Variants in ARAP1 observed in about 807,000 individuals in gnomAD.
ARAP1 encodes ArfGAP with RhoGAP domain, ankyrin repeat and PH domain 1, also known as arf-GAP with Rho-GAP domain, ANK repeat and PH domain-containing protein 1.
Under a neutral mutation model 172.2 loss-of-function variants are expected in ARAP1, and 76 were observed. The ratio of observed to expected loss-of-function variants is 0.44; its 90% CI spans 0.37 to 0.53. The LOEUF is 0.53. Ranked by LOEUF, ARAP1 falls within the 20% of genes least tolerant of loss-of-function variation. The pLI is 0.00. For missense variants in ARAP1, 1,686 were observed against 1,977.5 expected (o/e 0.85, Z 2.80); for synonymous variants, 804 against 803.3 (o/e 1.00, Z -0.01).
intron 12 of ARAP1, among the ~76,000 whole-genome samples, 178 bp downstream of exon 12, chr11:72,706,997 C>G (rs982853626): frequency 6.6e-6 from 1 of 152,220 alleles, no homozygotes; most frequent in African/African-American, 2.4e-5. Flanking sequence ...GAAGTTGAAC[C>G]CCTGCCTGGC....
At position 72,704,343 on chromosome 11, in the gene ARAP1, G is replaced by C; in HGVS notation, c.1810-9C>G. On this transcript the variant is annotated splice_polypyrimidine_tract_variant and intron_variant, in intron 13 of 34. Transcript: ENST00000393609. ...CCCAGCTGTAAGAAGAGCTGTGGGG[G>C]TGTGCAGGAGGTCAGACGGGCCAGC... 1 of 1,555,368 alleles carries C rather than the reference G, an allele frequency of 6.4e-7. No individual in the cohort carries two copies. The highest frequency in any genetic ancestry group is 8.7e-7 in the Non-Finnish European group (1 of 1,151,898).
At chr11:72,713,615 A>AGCCG (rs1251819423) in intron 4 of ARAP1, among the ~76,000 whole-genome samples, 2 of 152,150 alleles carry the variant, frequency 1.3e-5, no homozygotes, top group African/African-American at 4.8e-5. Context: ...TGGGAGGCTG[A>AGCCG]GGTGGGCAGA....
At chr11:72,716,486 C>G (rs1857279135) in intron 3 of ARAP1, among the ~76,000 whole-genome samples, 2 of 152,256 alleles carry the variant, frequency 1.3e-5, no homozygotes, top group Admixed American at 1.3e-4. Flanking sequence ...GGCAGCATGG[C>G]CTGTGGAGGA....
At position 72,714,322 on chromosome 11, in the gene ARAP1, C is replaced by A; in HGVS notation, c.510-1G>T. 6.5e-7 allele frequency: 1 copy of A among 1,547,652 alleles called. No homozygotes were observed. The highest frequency in any genetic ancestry group is 1.2e-5 in the South Asian group (1 of 83,036). On this transcript the variant is annotated splice_acceptor_variant, in intron 3 of 34. Transcript: ENST00000393609. LOFTEE classifies it high-confidence loss of function. ...TGACTCCTCCTCCTTAGTGGGCAGG[C>A]TGGGAACACAACAAAAGTTGGGCAT... is the stretch of plus-strand genomic sequence containing the variant.
chr11:72,715,331 C>A (rs897403213), intron 3 of ARAP1, among the ~76,000 whole-genome samples: 1 of 150,616 alleles, frequency 6.6e-6, no homozygotes, highest in Non-Finnish European at 1.5e-5. Context: ...CTGCCAGTGC[C>A]CTGCAGGGGC....
intron 1 of ARAP1, among the ~76,000 whole-genome samples, chr11:72,751,300 C>T (rs1340147975): frequency 7.2e-5 from 11 of 152,172 alleles, no homozygotes; most frequent in Admixed American, 7.2e-4. Flanking sequence ...ACACACCATC[C>T]AAATTCCTGA....
chr11:72,727,120 CT>C lies in ARAP1; in HGVS notation c.8del (p.Glu3GlyfsTer44). On this transcript the variant is annotated frameshift_variant, in exon 3 of 35. Coordinates refer to ENST00000393609, the MANE Select transcript of ARAP1 (RefSeq NM_001040118.3). LOFTEE classifies it high-confidence loss of function. The part of the protein sequence containing the change: MA[E>X]AGDAALSVAE... ...CCACCGATAGCGCAGCATCCCCAGC[CT>C]CTGCCATGGTTCCTGCCAGCGGAGG... 1 of 1,586,106 alleles carries C rather than the reference CT, an allele frequency of 6.3e-7. No individual in the cohort carries two copies. Among genetic ancestry groups the C allele is most frequent in the Non-Finnish European group, 8.6e-7 (1 of 1,162,008 alleles).
rs1261698301 is a variant in ARAP1, at chr11:72,712,318, G to A, written c.900C>T (p.Ser300=). 2 of 1,562,610 alleles carry A rather than the reference G, an allele frequency of 1.3e-6. No individual in the cohort carries two copies. The highest frequency in any genetic ancestry group is 1.2e-5 in the South Asian group (1 of 84,314). Residue 300 remains serine, a synonymous_variant, in exon 7 of 35, where the codon AGC becomes AGT. Coordinates refer to ENST00000393609, the MANE Select transcript of ARAP1 (RefSeq NM_001040118.3). ...TTGTGCTGGGCAAGGACAAGCTCAG[G>A]CTGCTGGTATGCCATCCGCCACTAG... ...GVPNGGWHTS[S]LSLSLPSTIA...
At chr11:72,692,344 G>A (rs909285192) in intron 30 of ARAP1, among the ~76,000 whole-genome samples, 6 of 152,022 alleles carry the variant, frequency 3.9e-5, no homozygotes, top group Non-Finnish European at 7.4e-5. Context: ...GTCCCACCCC[G>A]GCATGTTAGG....
chr11:72,701,929 AC>A, intron 15 of ARAP1, 146 bp from the exon 16 acceptor site: 2 of 1,052,944 alleles, frequency 1.9e-6, no homozygotes, highest in Non-Finnish European at 2.8e-6. Context: ...TCCCCCTCCT[AC>A]CTGCAGGGTC....
At chr11:72,704,358 G>C in intron 13 of ARAP1, 24 bp from the exon 14 acceptor site, 1 of 1,529,940 alleles carries the variant, frequency 6.5e-7, no homozygotes, top group Non-Finnish European at 8.8e-7. Flanking sequence ...CAGGAGGTCA[G>C]ACGGGCCAGC....
chr11:72,699,354 G>T lies in ARAP1; in HGVS notation c.2438+63C>A. 1 of 1,603,496 alleles carries T rather than the reference G, an allele frequency of 6.2e-7. No individual in the cohort carries two copies. The highest frequency in any genetic ancestry group is 1.1e-5 in the South Asian group (1 of 90,276). ...TCCCCTTCTCTGGGTCTATTTCCCT[G>T]TCTCCCCAGTGGGGGATTGTACCTT... is the stretch of plus-strand genomic sequence containing the variant. On this transcript the variant is annotated intron_variant, in intron 17 of 34. Coordinates refer to ENST00000393609, the MANE Select transcript of ARAP1 (RefSeq NM_001040118.3). The surrounding 1 kb of genome is among the most constrained non-coding windows in gnomAD (Gnocchi z 4.2).
At position 72,699,443 on chromosome 11, in the gene ARAP1, C is replaced by T. The variant is rs1469305671; in HGVS notation, c.2412G>A (p.Leu804=). 3.1e-6 allele frequency: 5 copies of T among 1,614,138 alleles called. No homozygotes were observed. The South Asian group carries it at 5.5e-5, about 18-fold the overall frequency. Residue 804 remains leucine (L), a synonymous_variant, in exon 17 of 35, where the codon CTG becomes CTA. Transcript: ENST00000393609. This position sits in a 1 kb window ranked among gnomAD's most constrained non-coding sequence, Gnocchi z 4.2. ...GEIRASEIVC[L]AVPPPDTHGF... is the part of the protein sequence containing the mutation. Reference sequence around the variant, plus strand: ...CATGGGTGTCAGGAGGGGGCACTGCCAGGCACACAATCTCGCTGGCCCGAA... The same window carrying T: ...CATGGGTGTCAGGAGGGGGCACTGCTAGGCACACAATCTCGCTGGCCCGAA...
Position 72,685,611 on chromosome 11 carries a change from G to A in ARAP1, c.*53C>T. On this transcript the variant is annotated 3_prime_UTR_variant, in exon 35 of 35. Coordinates refer to ENST00000393609, the MANE Select transcript of ARAP1 (RefSeq NM_001040118.3). ...AGGCCTTGGAGCATAAGGGGTGTCT[G>A]AACAGAAGGCTTCCAGCGGCGGAAT... The A allele has an allele frequency of 6.2e-7, 1 of 1,613,694 alleles. No individual in the cohort carries two copies. The highest frequency in any genetic ancestry group is 1.1e-5 in the South Asian group (1 of 91,066).
rs764962729 is a variant in ARAP1, at chr11:72,685,816, T to G, written c.4336-135A>C. Reference sequence around the variant, plus strand: ...CACTCCAATCAGCCAGGCTCCCAGCTCCCAGGGCCAGGCAGAGGGGACTCC... The same window carrying G: ...CACTCCAATCAGCCAGGCTCCCAGCGCCCAGGGCCAGGCAGAGGGGACTCC... On this transcript the variant is annotated intron_variant, in intron 34 of 34. Transcript: ENST00000393609. The G allele has an allele frequency of 7.2e-6, 10 of 1,387,004 alleles. No homozygotes were observed. In the South Asian group the frequency reaches 1.2e-4, roughly 17 times the overall value. 85.9% of individuals were successfully genotyped at this position (1,387,004 alleles called of 1,614,324 possible). A position where few individuals can be genotyped will look rare whatever the true frequency, so the allele number is the denominator to read the frequency against.
intron 27 of ARAP1, 35 bp downstream of exon 27, chr11:72,694,945 C>A: frequency 6.3e-7 from 1 of 1,588,066 alleles, no homozygotes; most frequent in South Asian, 1.1e-5. Context: ...CAAGACAAGC[C>A]ATACCACACC....
rs1555014993 is a variant in ARAP1, at chr11:72,710,591, CAGG to C, written c.1214-7_1214-5del. ...TGCATCCACTCCTTCCGCTCCACTGCAGGAGAAGGGTAGAGGAGTAAGCCCAAG... is the reference window on the plus strand; with the variant it reads ...TGCATCCACTCCTTCCGCTCCACTGCAGAAGGGTAGAGGAGTAAGCCCAAG... On this transcript the variant is annotated splice_region_variant and splice_polypyrimidine_tract_variant and intron_variant, in intron 9 of 34. Transcript: ENST00000393609. This position sits in a 1 kb window ranked among gnomAD's most constrained non-coding sequence, Gnocchi z 4.3. 6.2e-7 allele frequency: 1 copy of C among 1,603,014 alleles called. No individual in the cohort carries two copies. Among genetic ancestry groups the C allele is most frequent in the Non-Finnish European group, 8.5e-7 (1 of 1,178,314 alleles).
At chr11:72,692,867 G>A in intron 29 of ARAP1, 82 bp from the exon 30 acceptor site, 1 of 1,571,030 alleles carries the variant, frequency 6.4e-7, no homozygotes. Flanking sequence ...GTGGGGTTGG[G>A]GTGTGTGTAT....
rs530781934 is a variant in ARAP1 at position 72,749,811 on chromosome 11, G to A, written c.-128+2517C>T. Among the ~76,000 whole-genome samples, 5 of 151,946 alleles carry A rather than the reference G, an allele frequency of 3.3e-5. No individual in the cohort carries two copies. In the East Asian group the frequency reaches 9.7e-4, roughly 29 times the overall value. On this transcript the variant is annotated intron_variant, in intron 1 of 34. Transcript: ENST00000393609. ...GCAGGAGAATGGCATGAACCCAGAA[G>A]GTGGAGCCAAGATTGTGCCACTGCA...
Sources: gnomAD v4.1 joint callset for allele counts (sites outside exome capture counted in the v4.1 genomes callset) on GRCh38, gnomAD v4.1.1 for gene constraint, Gnocchi (gnomAD v3.1) non-coding constraint, MANE v1.5 for transcripts, NCBI Gene and HGNC (gene_info 2026-07-23, HGNC 2026-07-21) for gene names.